Variants in PCDHGA7 observed in about 807,000 individuals in gnomAD.
PCDHGA7 encodes protocadherin gamma-A7.
PCDHGA7 carries 44 observed loss-of-function variants against 58.3 expected under a neutral mutation model. That is an observed-to-expected ratio of 0.75 (90% CI 0.59 to 0.97). PCDHGA7 has a LOEUF of 0.97. Ranked by LOEUF, PCDHGA7 falls within the 50% of genes least tolerant of loss-of-function variation. The pLI, the probability that PCDHGA7 is intolerant of heterozygous loss-of-function variation, is 0.00. For synonymous variants in PCDHGA7, 516 were observed against 504.2 expected (o/e 1.02, Z -0.31); for missense variants, 1,266 against 1,188.7 (o/e 1.06, Z -0.96).
intron 1 of PCDHGA7, chr5:141,389,025 A>C: frequency 6.2e-7 from 1 of 1,613,992 alleles, no homozygotes; most frequent in Non-Finnish European, 8.5e-7. Flanking sequence ...TGGAGAAGTG[A>C]CTTGTAAATT....
rs777314784 is a variant in PCDHGA7, at chr5:141,432,669, C to A, written c.2424+47346C>A. On this transcript the variant is annotated intron_variant, in intron 1 of 3. Transcript: ENST00000518325. The surrounding 1 kb of genome is among the most constrained non-coding windows in gnomAD (Gnocchi z 6.0). ...GCGCGAGCCCTGCTGGACAGAGACG[C>A]GCTCAAGCAGAGCCTCGTAGTGGCC... 1 of 1,613,894 alleles carries A rather than the reference C, an allele frequency of 6.2e-7. No homozygotes were observed. Among genetic ancestry groups the A allele is most frequent in the Non-Finnish European group, 8.5e-7 (1 of 1,179,950 alleles).
chr5:141,421,614 T>C (rs552534116), intron 1 of PCDHGA7: 3 of 1,613,810 alleles, frequency 1.9e-6, no homozygotes, highest in South Asian at 2.2e-5. Flanking sequence ...ATATTAATGA[T>C]AACGCCCCCA....
chr5:141,390,061 A>G, intron 1 of PCDHGA7: 1 of 1,614,016 alleles, frequency 6.2e-7, no homozygotes, highest in East Asian at 2.2e-5. Context: ...AGCTGCTTCC[A>G]GCCTGGTCTC....
Position 141,432,837 on chromosome 5 carries a change from T to C in PCDHGA7, c.2424+47514T>C. On this transcript the variant is annotated intron_variant, in intron 1 of 3. Transcript: ENST00000518325. This position sits in a 1 kb window ranked among gnomAD's most constrained non-coding sequence, Gnocchi z 6.0. ...GAAACCTCAGACCTCACTCTGTACC[T>C]GGTGGTAGCGGTGGCCGCGGTCTCC... The C allele has an allele frequency of 6.2e-7, 1 of 1,614,180 alleles. No individual in the cohort carries two copies. Among genetic ancestry groups the C allele is most frequent in the Non-Finnish European group, 8.5e-7 (1 of 1,180,004 alleles).
Position 141,384,835 on chromosome 5 carries a change from G to T in PCDHGA7, c.1936G>T (p.Val646Phe). Residue 646 changes from valine (V) to phenylalanine (F), a missense_variant, in exon 1 of 4, where the codon GTC (valine) becomes TTC (phenylalanine). By Grantham distance (50) the Val-to-Phe change is conservative (BLOSUM62 -1). Transcript: ENST00000518325. ...CCTCAAGCAGAGCCTCGTGGTGGCC[G>T]TCCAGGACCACGGTCAGCCTCCTCT... The part of the protein sequence containing the change: ...DALKQSLVVA[V>F]QDHGQPPLSA... 1.2e-6 allele frequency: 2 copies of T among 1,613,468 alleles called. No homozygotes were observed. Among genetic ancestry groups the T allele is most frequent in the Middle Eastern group, 1.7e-4 (1 of 6,060 alleles).
chr5:141,438,621 TATATATATATATATACACACAC>T (rs2098027070), intron 1 of PCDHGA7, among the ~76,000 whole-genome samples: 1 of 41,368 alleles, frequency 2.4e-5, no homozygotes, highest in Non-Finnish European at 4.0e-5. Flanking sequence ...TATATATATA[TATATATATATATATACACACAC>T]ACACACACAT....
chr5:141,403,614 G>C (rs772617526), intron 1 of PCDHGA7: 1 of 1,613,860 alleles, frequency 6.2e-7, no homozygotes, highest in Admixed American at 1.7e-5. Context: ...GGCGAGCCGC[G>C]TCGCTCCAGC....
Position 141,477,588 on chromosome 5 carries a change from G to T in PCDHGA7, c.2425-17219G>T. 1 of 1,614,152 alleles carries T rather than the reference G, an allele frequency of 6.2e-7. No individual in the cohort carries two copies. The highest frequency in any genetic ancestry group is 8.5e-7 in the Non-Finnish European group (1 of 1,180,040). ...GACCCCGACGCCCCGCAGAATGCTCGGCTTTCTTTCTTTCTCTTGGAGCAA... is the reference window on the plus strand; with the variant it reads ...GACCCCGACGCCCCGCAGAATGCTCTGCTTTCTTTCTTTCTCTTGGAGCAA... On this transcript the variant is annotated intron_variant, in intron 1 of 3. Coordinates refer to ENST00000518325, the MANE Select transcript of PCDHGA7 (RefSeq NM_018920.4). This position sits in a 1 kb window ranked among gnomAD's most constrained non-coding sequence, Gnocchi z 4.9.
intron 1 of PCDHGA7, among the ~76,000 whole-genome samples, chr5:141,458,909 T>G (rs548847649): frequency 6.6e-6 from 1 of 152,192 alleles, no homozygotes; most frequent in African/African-American, 2.4e-5. Context: ...TTTTTTCTAT[T>G]TTTTGTGGAG....
chr5:141,431,830 C>G lies in PCDHGA7; in HGVS notation c.2424+46507C>G, dbSNP rs1354008481. 1 of 1,614,078 alleles carries G rather than the reference C, an allele frequency of 6.2e-7. No homozygotes were observed. The highest frequency in any genetic ancestry group is 8.5e-7 in the Non-Finnish European group (1 of 1,180,034). The stretch of plus-strand genomic sequence containing the variant: ...TCACCTCTCTCGCCAGCTCGGTTCC[C>G]GAAAACTCTCCCAGAGGGACATTAA... On this transcript the variant is annotated intron_variant, in intron 1 of 3. Coordinates refer to ENST00000518325, the MANE Select transcript of PCDHGA7 (RefSeq NM_018920.4). This position sits in a 1 kb window ranked among gnomAD's most constrained non-coding sequence, Gnocchi z 4.8.
chr5:141,496,737 C>T (rs900394639), intron 2 of PCDHGA7, among the ~76,000 whole-genome samples: 9 of 152,168 alleles, frequency 5.9e-5, no homozygotes, highest in African/African-American at 2.2e-4. Context: ...TTCATTCGTT[C>T]ATTTATTCAA....
intron 1 of PCDHGA7, chr5:141,404,124 C>G: frequency 1.2e-6 from 2 of 1,613,272 alleles, no homozygotes; most frequent in Non-Finnish European, 1.7e-6. Flanking sequence ...GAGAATCTAT[C>G]TTTTACATTA....
chr5:141,507,810 G>A (rs550331241), intron 3 of PCDHGA7, among the ~76,000 whole-genome samples: 1 of 152,290 alleles, frequency 6.6e-6, no homozygotes, highest in African/African-American at 2.4e-5. Context: ...CCTGGGGAAC[G>A]GACCCTGGGG....
intron 1 of PCDHGA7, among the ~76,000 whole-genome samples, chr5:141,406,762 A>C (rs942707558): frequency 2.0e-5 from 3 of 152,238 alleles, no homozygotes; most frequent in Non-Finnish European, 4.4e-5. Context: ...CAAGGAATTA[A>C]AAATATTTCT....
chr5:141,385,050 G>C lies in PCDHGA7; in HGVS notation c.2151G>C (p.Arg717=). ...FVLVLLALRL[R]RWHKSRLLQA... is the part of the protein sequence containing the mutation. Reference sequence around the variant, plus strand: ...TCGTACTGCTGGCGCTCAGGCTGCGGCGCTGGCACAAGTCACGCCTGCTGC... The same window carrying C: ...TCGTACTGCTGGCGCTCAGGCTGCGCCGCTGGCACAAGTCACGCCTGCTGC... The change falls in exon 1 of 4, where the codon CGG becomes CGC. Residue 717 remains arginine, a synonymous_variant. Transcript: ENST00000518325. 1 of 1,614,164 alleles carries C rather than the reference G, an allele frequency of 6.2e-7. No individual in the cohort carries two copies. Among genetic ancestry groups the C allele is most frequent in the Non-Finnish European group, 8.5e-7 (1 of 1,180,050 alleles).
intron 2 of PCDHGA7, among the ~76,000 whole-genome samples, chr5:141,501,728 C>A (rs1284130771): frequency 1.3e-5 from 2 of 152,134 alleles, no homozygotes; most frequent in East Asian, 1.9e-4. Flanking sequence ...ATATATTACC[C>A]AGTCAGCTTA....
intron 1 of PCDHGA7, among the ~76,000 whole-genome samples, chr5:141,469,317 C>T (rs1354878667): frequency 6.6e-6 from 1 of 152,092 alleles, no homozygotes; most frequent in Non-Finnish European, 1.5e-5. Flanking sequence ...TGGCTCACGC[C>T]TGTAATCCCA....
intron 2 of PCDHGA7, among the ~76,000 whole-genome samples, chr5:141,495,094 C>T (rs1470702358): frequency 6.6e-6 from 1 of 152,156 alleles, no homozygotes; most frequent in African/African-American, 2.4e-5. Flanking sequence ...CTTCCCTCCT[C>T]GCCACGACCG....
At chr5:141,427,992 T>C in intron 1 of PCDHGA7, 1 of 1,599,002 alleles carries the variant, frequency 6.3e-7, no homozygotes, top group Non-Finnish European at 8.6e-7. Context: ...GCCCGATGGC[T>C]CCGCACTCTT....
Sources: gnomAD v4.1 joint callset for allele counts (sites outside exome capture counted in the v4.1 genomes callset) on GRCh38, gnomAD v4.1.1 for gene constraint, Gnocchi (gnomAD v3.1) non-coding constraint, MANE v1.5 for transcripts, NCBI Gene and HGNC (gene_info 2026-07-23, HGNC 2026-07-21) for gene names.